PCDHA9: variants seen among roughly 807,000 people sequenced by gnomAD.
PCDHA9 encodes protocadherin alpha-9.
In PCDHA9, 62 loss-of-function variants were observed where a neutral mutation model predicts 62.0. The observed-to-expected ratio is 1.00, with a 90% CI of 0.81 to 1.23. The LOEUF (loss-of-function observed/expected upper bound fraction) is 1.23. PCDHA9 is among the 50% of genes most tolerant of loss of function. The pLI is 0.00. For synonymous variants in PCDHA9, 557 were observed against 567.6 expected, an observed-to-expected ratio of 0.98 and a Z score of 0.27; for missense variants, 1,205 against 1,249.8, an observed-to-expected ratio of 0.96 and a Z score of 0.54.
intron 1 of PCDHA9, chr5:140,929,169 T>C: frequency 6.2e-7 from 1 of 1,614,188 alleles, no homozygotes; most frequent in Non-Finnish European, 8.5e-7. Flanking sequence ...ATCGGGCCTC[T>C]CTGGGACTTG....
chr5:140,914,769 T>C (rs2076832006), intron 1 of PCDHA9, among the ~76,000 whole-genome samples: 1 of 152,160 alleles, frequency 6.6e-6, no homozygotes, highest in South Asian at 2.1e-4. Flanking sequence ...ATGAGGTTTA[T>C]GACTTATCTT....
intron 1 of PCDHA9, among the ~76,000 whole-genome samples, chr5:140,958,345 C>G (rs1220590485): frequency 6.6e-6 from 1 of 152,044 alleles, no homozygotes; most frequent in African/African-American, 2.4e-5. Flanking sequence ...ACAGGAAGTT[C>G]ACAGTCTGAC....
intron 1 of PCDHA9, chr5:140,871,159 GC>G (rs1562658226): frequency 6.2e-7 from 1 of 1,613,450 alleles, no homozygotes; most frequent in Non-Finnish European, 8.5e-7. Flanking sequence ...GGCGGGCGCC[GC>G]GAGCCCAGAG....
intron 1 of PCDHA9, chr5:140,928,615 A>T: frequency 6.2e-7 from 1 of 1,614,276 alleles, no homozygotes. Flanking sequence ...CCGCTCTGCC[A>T]GGACTGGACA....
rs1356253349 is a variant in PCDHA9, at chr5:140,849,798, C to G, written c.1303C>G (p.Leu435Val). Reference sequence around the variant, plus strand: ...CGCGCGGGACGGGGGCTCGCCTTCACTGTGGGCCACGGCCAGGGTGTCTGT... The same window carrying G: ...CGCGCGGGACGGGGGCTCGCCTTCAGTGTGGGCCACGGCCAGGGTGTCTGT... ...VTARDGGSPS[L>V]WATARVSVEV... The change falls in exon 1 of 4, where the codon CTG becomes GTG. Residue 435 changes from leucine to valine, a missense_variant. Physicochemically the swap from Leu to Val is conservative, Grantham distance 32. Coordinates refer to ENST00000532602, the MANE Select transcript of PCDHA9 (RefSeq NM_031857.2). 2 of 1,598,416 alleles carry G rather than the reference C, an allele frequency of 1.3e-6. No homozygotes were observed. The highest frequency in any genetic ancestry group is 1.3e-5 in the African/African-American group (1 of 74,416).
At chr5:140,928,348 G>A in intron 1 of PCDHA9, 1 of 1,614,172 alleles carries the variant, frequency 6.2e-7, no homozygotes, top group Non-Finnish European at 8.5e-7. Context: ...TGAGCTGTTG[G>A]ATGTTATCTC....
chr5:140,849,563 G>A lies in PCDHA9; in HGVS notation c.1068G>A (p.Ser356=). 1.9e-6 allele frequency: 3 copies of A among 1,598,488 alleles called. No homozygotes were observed. The highest frequency in any genetic ancestry group is 2.6e-6 in the Non-Finnish European group (3 of 1,167,902). Residue 356 remains serine, a synonymous_variant, in exon 1 of 4, where the codon TCG becomes TCA. Transcript: ENST00000532602. ...CACAGTTGACTATCAAAACGCTCTC[G>A]GTTCCTGTAAAAGAGGACGCACAAC... is the stretch of plus-strand genomic sequence containing the variant. ...NAPQLTIKTL[S]VPVKEDAQLG...
intron 3 of PCDHA9, among the ~76,000 whole-genome samples, chr5:140,996,041 C>T (rs2097709262): frequency 6.6e-6 from 1 of 152,224 alleles, no homozygotes; most frequent in African/African-American, 2.4e-5. Context: ...TAGCACTTAA[C>T]ACAGTGCTTG....
At chr5:140,869,151 C>T in intron 1 of PCDHA9, 1 of 1,613,806 alleles carries the variant, frequency 6.2e-7, no homozygotes, top group South Asian at 1.1e-5. Context: ...GACTACAGCT[C>T]TGGCTTCTCC....
intron 1 of PCDHA9, among the ~76,000 whole-genome samples, chr5:140,900,093 C>T (rs559553399): frequency 1.6e-4 from 24 of 152,202 alleles, no homozygotes; most frequent in Middle Eastern, 3.4e-3. Flanking sequence ...TACAAGCATG[C>T]GCCACCATAC....
chr5:140,928,313 T>TG (rs1554205740), intron 1 of PCDHA9: 1 of 1,614,172 alleles, frequency 6.2e-7, no homozygotes, highest in Non-Finnish European at 8.5e-7. Flanking sequence ...GACCCCGACC[T>TG]GGGGAAGAAT....
chr5:140,937,868 C>T (rs1433466146), intron 1 of PCDHA9, among the ~76,000 whole-genome samples: 2 of 150,648 alleles, frequency 1.3e-5, no homozygotes, highest in Admixed American at 6.6e-5. Context: ...GCCGAGATCG[C>T]GCCACTGCAC....
At position 140,857,270 on chromosome 5, in the gene PCDHA9, C is replaced by T. The variant is rs782277671; in HGVS notation, c.2394+6381C>T. On this transcript the variant is annotated intron_variant, in intron 1 of 3. Coordinates refer to ENST00000532602, the MANE Select transcript of PCDHA9 (RefSeq NM_031857.2). ...CTACAAGAATTACTACTCATTGGTG[C>T]TGGACAGCGCTCTGGACCGCGAGAG... 5.0e-6 allele frequency: 8 copies of T among 1,598,754 alleles called. 2 individuals are homozygous for T. The highest frequency in any genetic ancestry group is 4.3e-6 in the Non-Finnish European group (5 of 1,168,052).
chr5:140,946,611 A>AATATATATATAT lies in PCDHA9; in HGVS notation c.2395-32328_2395-32317dup, dbSNP rs1554217734. 3.4e-3 allele frequency among the ~76,000 whole-genome samples: 291 copies of AATATATATATAT among 86,770 alleles called. 7 individuals carry two copies. The highest frequency in any genetic ancestry group is 4.0e-3 in the Non-Finnish European group (186 of 46,640). 56.9% of individuals were successfully genotyped at this position (86,770 alleles called of 152,430 possible). A position where few individuals can be genotyped will look rare whatever the true frequency, so the allele number is the denominator to read the frequency against. On this transcript the variant is annotated intron_variant, in intron 1 of 3. Coordinates refer to ENST00000532602, the MANE Select transcript of PCDHA9 (RefSeq NM_031857.2). ...GGATGAATAGATAAAGAAAATGTGA[A>AATATATATATAT]ATATATATATATATATATATACAAT...
intron 1 of PCDHA9, among the ~76,000 whole-genome samples, chr5:140,965,140 TG>T (rs1191631396): frequency 2.0e-5 from 3 of 152,150 alleles, no homozygotes; most frequent in Non-Finnish European, 4.4e-5. Flanking sequence ...GACAGAATAC[TG>T]GGAGATGAAG....
intron 1 of PCDHA9, chr5:140,852,935 G>A: frequency 1.6e-6 from 1 of 611,692 alleles, no homozygotes; most frequent in Non-Finnish European, 2.1e-6. Flanking sequence ...CTGGAGTGCA[G>A]TGGTGCCATC....
At chr5:141,006,978 T>C (rs2098297277) in intron 3 of PCDHA9, among the ~76,000 whole-genome samples, 1 of 152,090 alleles carries the variant, frequency 6.6e-6, no homozygotes, top group African/African-American at 2.4e-5. Context: ...CACAGAGAGA[T>C]GTGGGCTTAA....
At chr5:140,998,522 A>G (rs2097818629) in intron 3 of PCDHA9, among the ~76,000 whole-genome samples, 1 of 151,980 alleles carries the variant, frequency 6.6e-6, no homozygotes, top group South Asian at 2.1e-4. Context: ...TATTATTCAT[A>G]TTTATATCCC....
At chr5:140,882,868 G>T in intron 1 of PCDHA9, 1 of 1,614,184 alleles carries the variant, frequency 6.2e-7, no homozygotes, top group Non-Finnish European at 8.5e-7. Context: ...GGAAAACACT[G>T]GACAGAGAGG....
Sources: allele counts gnomAD v4.1 joint callset (sites outside exome capture counted in the v4.1 genomes callset), GRCh38; gene constraint gnomAD v4.1.1; transcripts MANE v1.5; gene names NCBI Gene and HGNC (gene_info 2026-07-23, HGNC 2026-07-21).